The following AMOTL1 variants were observed in gnomAD, a reference collection of about 807,000 sequenced individuals.
AMOTL1 encodes the protein angiomotin like 1.
In AMOTL1, 45 loss-of-function variants were observed where a neutral mutation model predicts 102.9. The ratio of observed to expected loss-of-function variants is 0.44; its 90% confidence interval spans 0.34 to 0.56. The LOEUF is 0.56. Among genes scored for constraint, AMOTL1 ranks in the 20% least tolerant of loss-of-function variants. The probability of loss-of-function intolerance (pLI) is 0.01; values close to 1 mark genes in which losing one functional copy is unlikely to be tolerated. For synonymous variants in AMOTL1, 481 were observed against 484.7 expected, an observed-to-expected ratio of 0.99 and a Z score of 0.10; for missense variants, 1,114 against 1,225.6, an observed-to-expected ratio of 0.91 and a Z score of 1.36.
At chr11:94,724,358 A>G (rs1319700968) in intron 1 of AMOTL1, among the ~76,000 whole-genome samples, 2 of 152,116 alleles carry the variant, frequency 1.3e-5, no homozygotes, top group Admixed American at 1.3e-4. Flanking sequence ...GTGAATATTA[A>G]TATTTTGTTG....
In AMOTL1 at chr11:94,707,458, A is replaced by G. The variant is rs1203762468; in HGVS notation, c.-51+861A>G. On this transcript the variant is annotated intron_variant, in intron 1 of 4. Transcript: ENST00000299004. The stretch of plus-strand genomic sequence containing the variant: ...TACAGGATGATAAACGGCTTTTGGA[A>G]AGAAAGTTGAACCACTGTCAAATGA... 2.0e-5 allele frequency among the ~76,000 whole-genome samples: 3 copies of G among 152,134 alleles called. No homozygotes were observed. In the East Asian group the frequency reaches 5.8e-4, roughly 29 times the overall value.
intron 3 of AMOTL1, among the ~76,000 whole-genome samples, chr11:94,759,049 T>C (rs1950761118): frequency 1.3e-5 from 2 of 152,232 alleles, no homozygotes; most frequent in Admixed American, 1.3e-4. Context: ...CTGAAGATCA[T>C]ATCAATTAGA....
At chr11:94,859,412 A>G (rs1952729979) in intron 8 of AMOTL1, 113 bp from the exon 9 acceptor site, 1 of 1,026,778 alleles carries the variant, frequency 9.7e-7, no homozygotes, top group Non-Finnish European at 1.4e-6. Flanking sequence ...GTGAAGTAGC[A>G]TGGTGTGTGA....
chr11:94,772,222 A>G (rs745501136), intron 1 of AMOTL1, among the ~76,000 whole-genome samples: 1 of 152,214 alleles, frequency 6.6e-6, no homozygotes, highest in African/African-American at 2.4e-5. Context: ...TTACATGCAC[A>G]TGTAAAATTT....
intron 1 of AMOTL1, among the ~76,000 whole-genome samples, chr11:94,723,147 T>C (rs1950200422): frequency 1.3e-5 from 2 of 152,120 alleles, no homozygotes; most frequent in South Asian, 2.1e-4. Context: ...AAGAATTACC[T>C]GAGCCTGAGT....
At chr11:94,801,783 A>T (rs1951483261) in intron 3 of AMOTL1, among the ~76,000 whole-genome samples, 1 of 152,210 alleles carries the variant, frequency 6.6e-6, no homozygotes, top group African/African-American at 2.4e-5. Flanking sequence ...GGGTCTGAAG[A>T]TCACACTTTG....
intron 2 of AMOTL1, among the ~76,000 whole-genome samples, chr11:94,730,196 A>G (rs570221565): frequency 6.6e-5 from 10 of 152,250 alleles, no homozygotes; most frequent in Non-Finnish European, 1.5e-4. Context: ...CAGCCCTTCC[A>G]GATCTGACCT....
intron 6 of AMOTL1, among the ~76,000 whole-genome samples, chr11:94,839,472 C>A (rs1178045645): frequency 1.4e-4 from 21 of 152,142 alleles, no homozygotes; most frequent in Admixed American, 1.4e-3. Context: ...CTGAAGCAGA[C>A]AGATTTTGAA....
intron 2 of AMOTL1, among the ~76,000 whole-genome samples, chr11:94,735,267 C>T (rs140563401): frequency 1.3e-5 from 2 of 152,202 alleles, no homozygotes; most frequent in Non-Finnish European, 2.9e-5. Context: ...CAGCTGGAGT[C>T]CCTGCACACT....
At chr11:94,776,262 G>T (rs1465798368) in intron 1 of AMOTL1, among the ~76,000 whole-genome samples, 1 of 152,160 alleles carries the variant, frequency 6.6e-6, no homozygotes, top group East Asian at 1.9e-4. Flanking sequence ...CTGTAATAAG[G>T]TTCATCTCCT....
intron 1 of AMOTL1, among the ~76,000 whole-genome samples, chr11:94,792,488 T>C (rs1951301980): frequency 6.6e-6 from 1 of 152,230 alleles, no homozygotes; most frequent in Admixed American, 6.5e-5. Flanking sequence ...ATAAAGTGAC[T>C]CCTTCAGGCT....
At chr11:94,822,732 T>G (rs4753630) in intron 4 of AMOTL1, among the ~76,000 whole-genome samples, 36,231 of 152,028 alleles carry the variant, frequency 0.24, 4,924 homozygotes, top group East Asian at 0.46. Flanking sequence ...CCAAAGTAAA[T>G]AGGGGAACGT....
intron 6 of AMOTL1, among the ~76,000 whole-genome samples, chr11:94,845,137 A>C (rs1392940594): frequency 6.6e-6 from 1 of 152,232 alleles, no homozygotes; most frequent in African/African-American, 2.4e-5. Context: ...ATGGTAGAAC[A>C]GGGTCGTCTG....
At chr11:94,779,639 G>A (rs886247874) in intron 1 of AMOTL1, among the ~76,000 whole-genome samples, 3 of 151,958 alleles carry the variant, frequency 2.0e-5, no homozygotes, top group Non-Finnish European at 2.9e-5. Flanking sequence ...AGACCCCTGG[G>A]CACTTGTCAG....
chr11:94,866,063 C>G lies in AMOTL1; in HGVS notation c.2383C>G (p.Pro795Ala). 6.2e-7 allele frequency: 1 copy of G among 1,613,974 alleles called. No homozygotes were observed. The highest frequency in any genetic ancestry group is 8.5e-7 in the Non-Finnish European group (1 of 1,179,902). ...SSSLRPARSV[P>A]SIAAATGTHS... is the part of the protein sequence containing the mutation. ...CAGCCTACGTCCTGCCCGCTCCGTTCCATCCATAGCAGCAGCTACTGGGAC... is the reference window on the plus strand; with the variant it reads ...CAGCCTACGTCCTGCCCGCTCCGTTGCATCCATAGCAGCAGCTACTGGGAC... The change falls in exon 11 of 13, where the codon CCA becomes GCA. Residue 795 changes from proline to alanine, a missense_variant. By Grantham distance (27) the Pro-to-Ala change is conservative. Coordinates refer to ENST00000433060, the MANE Select transcript of AMOTL1 (RefSeq NM_130847.3).
chr11:94,834,852 A>G (rs1952142805), intron 6 of AMOTL1, among the ~76,000 whole-genome samples: 1 of 152,210 alleles, frequency 6.6e-6, no homozygotes, highest in African/African-American at 2.4e-5. Context: ...CTTCCTGGCC[A>G]GATTTAAACA....
At chr11:94,869,912 T>A (rs1952961584) in intron 12 of AMOTL1, among the ~76,000 whole-genome samples, 1 of 152,178 alleles carries the variant, frequency 6.6e-6, no homozygotes, top group Non-Finnish European at 1.5e-5. Context: ...AGAAGGTAGA[T>A]TGACCTGCAG....
chr11:94,778,993 CG>C (rs1951067556), intron 1 of AMOTL1, among the ~76,000 whole-genome samples: 1 of 152,060 alleles, frequency 6.6e-6, no homozygotes, highest in Admixed American at 6.6e-5. Flanking sequence ...TTGGAAGTCA[CG>C]TAGGGTTACT....
intron 1 of AMOTL1, among the ~76,000 whole-genome samples, chr11:94,773,475 A>G (rs1040719695): frequency 6.6e-6 from 1 of 152,210 alleles, no homozygotes; most frequent in Non-Finnish European, 1.5e-5. Context: ...TGTAGTTCCC[A>G]TTCTGAAGTG....
Sources: allele counts gnomAD v4.1 joint callset (sites outside exome capture counted in the v4.1 genomes callset), GRCh38; gene constraint gnomAD v4.1.1; transcripts MANE v1.5; gene names NCBI Gene and HGNC (gene_info 2026-07-23, HGNC 2026-07-21).